The following ELOVL4 variants were observed in gnomAD, a reference collection of about 807,000 sequenced individuals.
ELOVL4 encodes very long chain fatty acid elongase 4.
Under a neutral mutation model 42.1 loss-of-function variants are expected in ELOVL4, and 18 were observed. The observed-to-expected ratio is 0.43, with a 90% confidence interval of 0.30 to 0.63. The LOEUF is 0.63. ELOVL4 is among the 30% of genes least tolerant of loss of function. ELOVL4 has a pLI of 0.15. For missense variants in ELOVL4, 299 were observed against 376.2 expected, an observed-to-expected ratio of 0.79 and a Z score of 1.70; for synonymous variants, 117 against 127.0, an observed-to-expected ratio of 0.92 and a Z score of 0.53.
rs1774130819 is a variant in ELOVL4, at chr6:79,914,875, C to A, written c.*1733G>T. The A allele has an allele frequency of 6.6e-6, 1 of 152,508 alleles. No homozygotes were observed. The highest frequency in any genetic ancestry group is 2.4e-5 in the African/African-American group (1 of 41,408). 9.4% of individuals were successfully genotyped at this position (152,508 alleles called of 1,614,324 possible). ...ATCAGGTAGCAGGGAATGAATAGCT[C>A]TTGGGAACCAGTACAGAATGTTCAC... On this transcript the variant is annotated 3_prime_UTR_variant, in exon 6 of 6. Coordinates refer to ENST00000369816, the MANE Select transcript of ELOVL4 (RefSeq NM_022726.4).
At chr6:79,927,702 T>C (rs1774367437) in intron 1 of ELOVL4, among the ~76,000 whole-genome samples, 1 of 151,924 alleles carries the variant, frequency 6.6e-6, no homozygotes, top group Non-Finnish European at 1.5e-5. Context: ...TGACTCGAGA[T>C]ATGGGAAAAA....
chr6:79,934,078 A>C (rs1042866696), intron 1 of ELOVL4, among the ~76,000 whole-genome samples: 6 of 152,224 alleles, frequency 3.9e-5, no homozygotes, highest in African/African-American at 1.4e-4. Context: ...CTTTTGGGAC[A>C]GCTAGGTGGA....
In ELOVL4 at chr6:79,921,609, T is replaced by A. The variant is rs777096598; in HGVS notation, c.541+16A>T. On this transcript the variant is annotated intron_variant, in intron 4 of 5. Transcript: ENST00000369816. ...ATGCAATTAAACGCAAGCAGTATAT[T>A]CCTGAAAATGCTCACCTTGTCCTCC... 2.6e-5 allele frequency: 42 copies of A among 1,613,426 alleles called. No homozygotes were observed. Among genetic ancestry groups the A allele is most frequent in the Non-Finnish European group, 3.5e-5 (41 of 1,179,524 alleles).
intron 1 of ELOVL4, among the ~76,000 whole-genome samples, chr6:79,927,592 C>T (rs563314826): frequency 1.8e-3 from 276 of 151,922 alleles, no homozygotes; most frequent in Non-Finnish European, 3.0e-3. Flanking sequence ...ATACAAGATA[C>T]GAAACACAAT....
At chr6:79,932,343 C>T (rs1277293617) in intron 1 of ELOVL4, among the ~76,000 whole-genome samples, 1 of 152,006 alleles carries the variant, frequency 6.6e-6, no homozygotes, top group African/African-American at 2.4e-5. Flanking sequence ...GAGTTCAAGA[C>T]CAGCCTGGCC....
intron 1 of ELOVL4, among the ~76,000 whole-genome samples, chr6:79,928,081 C>T (rs747285777): frequency 6.6e-6 from 1 of 151,944 alleles, no homozygotes; most frequent in Non-Finnish European, 1.5e-5. Flanking sequence ...ATGAGGTGTG[C>T]ATCTACTTAG....
At chr6:79,921,211 C>G (rs1206216352) in intron 4 of ELOVL4, among the ~76,000 whole-genome samples, 1 of 151,766 alleles carries the variant, frequency 6.6e-6, no homozygotes, top group Non-Finnish European at 1.5e-5. Context: ...CTTGTAATCC[C>G]AACACTTTGG....
At chr6:79,921,475 A>AAC in intron 4 of ELOVL4, 150 bp downstream of exon 4, 1 of 604,016 alleles carries the variant, frequency 1.7e-6, no homozygotes, top group Non-Finnish European at 2.8e-6. Context: ...AAAAAAAAAA[A>AAC]AAAAAAAAAA....
chr6:79,946,830 G>C (rs763415461), intron 1 of ELOVL4, among the ~76,000 whole-genome samples: 1 of 152,194 alleles, frequency 6.6e-6, no homozygotes, highest in African/African-American at 2.4e-5. Context: ...ACGGGGAAGA[G>C]GGAGGCGAGC....
intron 1 of ELOVL4, among the ~76,000 whole-genome samples, chr6:79,939,378 G>A (rs1774601782): frequency 6.6e-6 from 1 of 151,974 alleles, no homozygotes; most frequent in Non-Finnish European, 1.5e-5. Context: ...ACATTGTTGT[G>A]ACTCTCTGGA....
At chr6:79,919,806 T>G (rs1024221548) in intron 4 of ELOVL4, among the ~76,000 whole-genome samples, 18 of 152,122 alleles carry the variant, frequency 1.2e-4, no homozygotes, top group African/African-American at 4.3e-4. Flanking sequence ...CAGTTGTAGG[T>G]TTTCAAATGG....
At position 79,945,733 on chromosome 6, in the gene ELOVL4, G is replaced by A. The variant is rs111599826; in HGVS notation, c.100+1447C>T. 2.7e-3 allele frequency among the ~76,000 whole-genome samples: 407 copies of A among 152,156 alleles called. 2 individuals carry two copies. The highest frequency in any genetic ancestry group is 9.3e-3 in the African/African-American group (386 of 41,502). On this transcript the variant is annotated intron_variant, in intron 1 of 5. Transcript: ENST00000369816. ...AGAACCGAAATCACAGACGTGAAGGGAAGGGCACATCTTTCCCAGTTTTTG... is the reference window on the plus strand; with the variant it reads ...AGAACCGAAATCACAGACGTGAAGGAAAGGGCACATCTTTCCCAGTTTTTG...
At chr6:79,920,933 A>G (rs891230829) in intron 4 of ELOVL4, among the ~76,000 whole-genome samples, 9 of 152,160 alleles carry the variant, frequency 5.9e-5, no homozygotes, top group African/African-American at 2.2e-4. Context: ...TGTTTAGATT[A>G]GGGATGTTCA....
chr6:79,942,734 T>A (rs1016563302), intron 1 of ELOVL4, among the ~76,000 whole-genome samples: 1 of 152,210 alleles, frequency 6.6e-6, no homozygotes, highest in African/African-American at 2.4e-5. Flanking sequence ...CTGCATTGTT[T>A]ACCCTCCTGG....
chr6:79,947,133 AC>A (rs750852612), intron 1 of ELOVL4, 46 bp downstream of exon 1: 25 of 1,484,486 alleles, frequency 1.7e-5, no homozygotes, highest in Non-Finnish European at 2.0e-5. Flanking sequence ...GGGGCCGGTG[AC>A]CCCCCGCGGG....
At chr6:79,934,547 T>C (rs779068146) in intron 1 of ELOVL4, among the ~76,000 whole-genome samples, 7 of 152,170 alleles carry the variant, frequency 4.6e-5, no homozygotes, top group African/African-American at 1.4e-4. Flanking sequence ...TCACAAAGTA[T>C]GTCTCATGTC....
intron 3 of ELOVL4, 36 bp downstream of exon 3, chr6:79,924,916 A>T: frequency 7.4e-7 from 1 of 1,348,672 alleles, no homozygotes; most frequent in Non-Finnish European, 1.1e-6. Flanking sequence ...AAATCAAACC[A>T]CTTTTACTGA....
chr6:79,938,271 AC>A (rs1430416786), intron 1 of ELOVL4, among the ~76,000 whole-genome samples: 1 of 152,206 alleles, frequency 6.6e-6, no homozygotes, highest in Non-Finnish European at 1.5e-5. Context: ...TCCAAGTTCA[AC>A]CATCCACCCA....
In ELOVL4 at chr6:79,926,342, C is replaced by G. The variant is rs1208426878; in HGVS notation, c.140G>C (p.Trp47Ser). The G allele has an allele frequency of 6.2e-7, 1 of 1,613,840 alleles. No homozygotes were observed. Residue 47 changes from tryptophan (W) to serine (S), a missense_variant, in exon 2 of 6, where the codon TGG becomes TCG. Coordinates refer to ENST00000369816, the MANE Select transcript of ELOVL4 (RefSeq NM_022726.4). ...VENWPLMQSPWPTLSISTLYL... is the reference protein window; with the variant it reads ...VENWPLMQSPSPTLSISTLYL... ...AAGAGTGCTTATACTTAGTGTAGGC[C>G]AAGGAGACTGCATCAGAGGCCAATT...
Sources: gnomAD v4.1 joint callset for allele counts (sites outside exome capture counted in the v4.1 genomes callset) on GRCh38, gnomAD v4.1.1 for gene constraint, MANE v1.5 for transcripts, NCBI Gene and HGNC (gene_info 2026-07-23, HGNC 2026-07-21) for gene names.